KCNT1: variants seen among roughly 807,000 people sequenced by gnomAD.
The protein encoded by KCNT1 is potassium channel subfamily T member 1.
KCNT1 carries 78 observed loss-of-function variants against 147.8 expected under a neutral mutation model. The observed-to-expected ratio is 0.53, with a 90% CI of 0.44 to 0.64. The LOEUF (loss-of-function observed/expected upper bound fraction) is 0.64, where lower values mean the gene tolerates loss of function less well. Ranked by LOEUF, KCNT1 falls within the 30% of genes least tolerant of loss-of-function variation. The pLI, the probability that KCNT1 is intolerant of heterozygous loss-of-function variation, is 0.00. For missense variants in KCNT1, 1,419 were observed against 1,750.3 expected, an observed-to-expected ratio of 0.81 and a Z score of 3.38; for synonymous variants, 867 against 748.8, an observed-to-expected ratio of 1.16 and a Z score of -2.58.
intron 2 of KCNT1, among the ~76,000 whole-genome samples, chr9:135,715,201 C>T (rs1324475085): frequency 6.6e-6 from 1 of 152,192 alleles, no homozygotes; most frequent in Admixed American, 6.5e-5. Context: ...TCCGAGTCAC[C>T]GTGTCCCCGT....
At position 135,729,168 on chromosome 9, in the gene KCNT1, G is replaced by A. The variant is rs1182595715; in HGVS notation, c.254+14448G>A. Among the ~76,000 whole-genome samples the A allele has an allele frequency of 3.9e-5, 6 of 152,232 alleles. No individual in the cohort carries two copies. In the East Asian group the frequency reaches 5.8e-4, roughly 15 times the overall value. ...GTTGAATTTGAATTAATCAAAGGGC[G>A]ATTATCCGAGTGGGCTGCGTCTACT... On this transcript the variant is annotated intron_variant, in intron 2 of 30. Coordinates refer to ENST00000371757, the MANE Select transcript of KCNT1 (RefSeq NM_020822.3).
intron 24 of KCNT1, among the ~76,000 whole-genome samples, chr9:135,780,378 C>CGGCCT (rs1833521494): frequency 6.6e-6 from 1 of 152,134 alleles, no homozygotes; most frequent in Non-Finnish European, 1.5e-5. Context: ...GAGCCAGGCC[C>CGGCCT]GGCCTGGCCA....
rs747317425 is a variant in KCNT1 at position 135,786,521 on chromosome 9, G to A, written c.3502G>A (p.Asp1168Asn). 43 of 1,589,394 alleles carry A rather than the reference G, an allele frequency of 2.7e-5. No individual in the cohort carries two copies. The East Asian group carries it at 3.9e-4, about 14-fold the overall frequency. The change falls in exon 29 of 31, where the codon GAC becomes AAC. Residue 1168 changes from aspartate (D) to asparagine (N), a missense_variant and splice_region_variant. By Grantham distance (23) the Asp-to-Asn change is conservative. Around this residue, in one of 5 missense-constraint regions of KCNT1, gnomAD observed 306 missense variants for 294.2 expected, o/e 1.04. Transcript: ENST00000371757. ...CCTGGGGCTGCCCACCACCGGCTAC[G>A]GTAAGGGCACACGGCGCGGGTGGGG... ...KHLGLPTTGY[D>N]EMNDHQNTLS...
At chr9:135,729,374 G>A (rs1484997664) in intron 2 of KCNT1, among the ~76,000 whole-genome samples, 1 of 152,260 alleles carries the variant, frequency 6.6e-6, no homozygotes, top group Non-Finnish European at 1.5e-5. Flanking sequence ...AAGAAAGGGG[G>A]TCCTCTGTCC....
intron 24 of KCNT1, among the ~76,000 whole-genome samples, chr9:135,781,157 C>T (rs373628118): frequency 6.6e-6 from 1 of 152,248 alleles, no homozygotes; most frequent in East Asian, 1.9e-4. Flanking sequence ...GTGAACAGTC[C>T]TGGGCTCCAG....
rs1833814200 is a variant in KCNT1 at position 135,783,939 on chromosome 9, A to G, written c.2842-85A>G. Reference sequence around the variant, plus strand: ...GGTATCATGCACACATGTACGGTGCACACACAGTGCCCTCGACCCCGTGGC... The same window carrying G: ...GGTATCATGCACACATGTACGGTGCGCACACAGTGCCCTCGACCCCGTGGC... On this transcript the variant is annotated intron_variant, in intron 24 of 30. Coordinates refer to ENST00000371757, the MANE Select transcript of KCNT1 (RefSeq NM_020822.3). 3.1e-5 allele frequency: 30 copies of G among 965,950 alleles called. 1 individual carries two copies. The highest frequency in any genetic ancestry group is 4.6e-5 in the Non-Finnish European group (28 of 605,248). The allele number at this position is 965,950 out of a possible 1,614,324, so 59.8% of individuals were successfully genotyped here.
intron 1 of KCNT1, among the ~76,000 whole-genome samples, chr9:135,708,047 T>C (rs1320522118): frequency 6.6e-6 from 1 of 152,168 alleles, no homozygotes; most frequent in Non-Finnish European, 1.5e-5. Context: ...AAAGGAAGCG[T>C]TGAGTTTTCT....
Position 135,770,458 on chromosome 9 carries a change from G to A in KCNT1, c.1769+11G>A. The A allele has an allele frequency of 6.2e-7, 1 of 1,606,480 alleles. No homozygotes were observed. The highest frequency in any genetic ancestry group is 8.5e-7 in the Non-Finnish European group (1 of 1,176,360). ...CCACGCCCACAAGAAGTAAGGCCGG[G>A]CTGCATCCACAGGGCTGGCGCTCCA... is the stretch of plus-strand genomic sequence containing the variant. On this transcript the variant is annotated intron_variant, in intron 17 of 30. Transcript: ENST00000371757.
intron 2 of KCNT1, among the ~76,000 whole-genome samples, chr9:135,723,841 G>A (rs1026384891): frequency 6.6e-6 from 1 of 152,334 alleles, no homozygotes; most frequent in Non-Finnish European, 1.5e-5. Flanking sequence ...CCCCAGCCCA[G>A]CACAGGTACC....
intron 3 of KCNT1, chr9:135,750,404 C>T (rs1831084588): frequency 3.4e-6 from 2 of 583,136 alleles, no homozygotes; most frequent in African/African-American, 3.7e-5. Context: ...AGACCAGGGC[C>T]TCTGCAGCGG....
chr9:135,718,073 G>A (rs1218893563), intron 2 of KCNT1, among the ~76,000 whole-genome samples: 1 of 152,232 alleles, frequency 6.6e-6, no homozygotes, highest in Non-Finnish European at 1.5e-5. Flanking sequence ...TGGAGGAGGG[G>A]ATCAGCCGCT....
At position 135,792,923 on chromosome 9, in the gene KCNT1, T is replaced by G. The variant is rs1834648671; in HGVS notation, c.*762T>G. ...TCCATGGACCATTTTACACTTACCT[T>G]TTAAAGCAAAGCCTCATTTTCTAAA... On this transcript the variant is annotated 3_prime_UTR_variant, in exon 31 of 31. Transcript: ENST00000371757. The G allele has an allele frequency of 6.6e-6, 1 of 152,166 alleles. No homozygotes were observed. The highest frequency in any genetic ancestry group is 1.5e-5 in the Non-Finnish European group (1 of 68,038). 9.4% of individuals were successfully genotyped at this position (152,166 alleles called of 1,614,324 possible). A position where few individuals can be genotyped will look rare whatever the true frequency, so the allele number is the denominator to read the frequency against.
chr9:135,722,619 G>A (rs975794407), intron 2 of KCNT1, among the ~76,000 whole-genome samples: 16 of 152,348 alleles, frequency 1.1e-4, no homozygotes, highest in African/African-American at 3.6e-4. Context: ...CTCAGCAACA[G>A]AGATTTATTT....
At chr9:135,760,110 G>A (rs1831815467) in intron 11 of KCNT1, among the ~76,000 whole-genome samples, 1 of 152,152 alleles carries the variant, frequency 6.6e-6, no homozygotes, top group Non-Finnish European at 1.5e-5. Flanking sequence ...GGAGATGGTG[G>A]GTCTCCAGTG....
chr9:135,783,889 C>T, intron 24 of KCNT1, 135 bp from the exon 25 acceptor site: 1 of 682,944 alleles, frequency 1.5e-6, no homozygotes, highest in South Asian at 1.6e-5. Flanking sequence ...CGTGGACACA[C>T]ACACCATGCA....
In KCNT1 at chr9:135,786,484, C is replaced by T. The variant is rs1324880374; in HGVS notation, c.3465C>T (p.Asn1155=). The T allele has an allele frequency of 1.2e-6, 2 of 1,602,972 alleles. No homozygotes were observed. Among genetic ancestry groups the T allele is most frequent in the East Asian group, 2.2e-5 (1 of 44,532 alleles). ...AGGAGCTCTCCGAGCTGGTGAAGAA[C>T]CGCATGAAGCACCTGGGGCTGCCCA... The part of the protein sequence containing the change: ...ERQELSELVK[N]RMKHLGLPTT... Residue 1155 remains asparagine, a synonymous_variant, in exon 29 of 31, where the codon AAC becomes AAT. Transcript: ENST00000371757.
chr9:135,722,946 G>A (rs1588266597), intron 2 of KCNT1, among the ~76,000 whole-genome samples: 2 of 152,210 alleles, frequency 1.3e-5, no homozygotes, highest in African/African-American at 4.8e-5. Flanking sequence ...CGCTGCAAAA[G>A]ATGTCGTGGG....
At position 135,793,912 on chromosome 9, in the gene KCNT1, C is replaced by T; in HGVS notation, c.*1751C>T. On this transcript the variant is annotated 3_prime_UTR_variant, in exon 31 of 31. Transcript: ENST00000371757. ...AGCAGGGCTGGGGTCTATCACGTTC[C>T]TGGGATCCAAGCAGCGAGCACGCCC... The T allele has an allele frequency of 6.6e-6, 1 of 152,390 alleles. No homozygotes were observed. The highest frequency in any genetic ancestry group is 1.9e-4 in the East Asian group (1 of 5,180). The allele number at this position is 152,390 out of a possible 1,614,324, so 9.4% of individuals were successfully genotyped here. A position where few individuals can be genotyped will look rare whatever the true frequency, so the allele number is the denominator to read the frequency against.
intron 2 of KCNT1, among the ~76,000 whole-genome samples, chr9:135,738,967 A>G (rs1346270755): frequency 6.6e-6 from 1 of 151,920 alleles, no homozygotes; most frequent in African/African-American, 2.4e-5. Flanking sequence ...TCTCAGTGAG[A>G]CCCCGCTGCA....
Sources: allele counts gnomAD v4.1 joint callset (sites outside exome capture counted in the v4.1 genomes callset), GRCh38; gene constraint gnomAD v4.1.1; regional missense constraint gnomAD v4.1.1; transcripts MANE v1.5; gene names NCBI Gene and HGNC (gene_info 2026-07-23, HGNC 2026-07-21).